Variants in KLF15 observed in about 807,000 individuals in gnomAD.
KLF15 encodes Krueppel-like factor 15.
In KLF15, 4 loss-of-function variants were observed where a neutral mutation model predicts 24.6. The observed-to-expected ratio is 0.16, with a 90% CI of 0.08 to 0.37. The LOEUF (loss-of-function observed/expected upper bound fraction) is 0.37. Among genes scored for constraint, KLF15 ranks in the 10% least tolerant of loss-of-function variants. The pLI is 1.00. For missense variants in KLF15, 496 were observed against 560.6 expected, an observed-to-expected ratio of 0.88 and a Z score of 1.16; for synonymous variants, 246 against 236.3, an observed-to-expected ratio of 1.04 and a Z score of -0.37.
In KLF15 at chr3:126,343,693, C is replaced by A. The variant is rs112054229; in HGVS notation, c.*34G>T. 3 of 1,590,436 alleles carry A rather than the reference C, an allele frequency of 1.9e-6. No homozygotes were observed. In the South Asian group the frequency reaches 3.4e-5, roughly 18 times the overall value. The stretch of plus-strand genomic sequence containing the variant: ...AAAAAATGGGGATGGGGTGGGGATC[C>A]GGGGTGACGGACAGGCTGGGGTTCA... On this transcript the variant is annotated 3_prime_UTR_variant, in exon 3 of 3. Coordinates refer to ENST00000296233, the MANE Select transcript of KLF15 (RefSeq NM_014079.4).
the KLF15 span, among the ~76,000 whole-genome samples, chr3:126,335,262 G>T: frequency 2.0e-5 from 3 of 147,338 alleles, no homozygotes; most frequent in African/African-American, 7.6e-5. Context: ...TGCAAGGCTG[G>T]TTCAACATAT....
chr3:126,290,552 G>A, the KLF15 span: 1 of 81,322 alleles, frequency 1.2e-5, no homozygotes, highest in Non-Finnish European at 2.4e-5. Flanking sequence ...TCCTTCCTCT[G>A]TCTCACAAGA....
the KLF15 span, among the ~76,000 whole-genome samples, chr3:126,330,773 C>T: frequency 1.3e-5 from 2 of 152,254 alleles, no homozygotes; most frequent in South Asian, 4.1e-4. Context: ...TTTAACCTAC[C>T]TGGAGTGAAT....
At chr3:126,327,669 C>T in the KLF15 span, among the ~76,000 whole-genome samples, 13,926 of 152,248 alleles carry the variant, frequency 0.091, 868 homozygotes, top group Non-Finnish European at 0.14. Flanking sequence ...ACCTGCATTC[C>T]AGACTTCATA....
chr3:126,295,299 A>G, the KLF15 span, among the ~76,000 whole-genome samples: 1 of 152,266 alleles, frequency 6.6e-6, no homozygotes, highest in African/African-American at 2.4e-5. Flanking sequence ...TTAAGAGCAG[A>G]TACAGTTACT....
the KLF15 span, among the ~76,000 whole-genome samples, chr3:126,334,090 A>C: frequency 4.6e-5 from 7 of 151,912 alleles, no homozygotes; most frequent in East Asian, 1.4e-3. Flanking sequence ...CATCTACAGA[A>C]CTCTCCACCC....
the KLF15 span, among the ~76,000 whole-genome samples, chr3:126,313,356 T>C: frequency 6.6e-6 from 1 of 152,204 alleles, no homozygotes; most frequent in Admixed American, 6.5e-5. Flanking sequence ...ATATGGGGCA[T>C]TCTGTTACGC....
At chr3:126,313,096 G>A in the KLF15 span, among the ~76,000 whole-genome samples, 2 of 152,110 alleles carry the variant, frequency 1.3e-5, no homozygotes, top group African/African-American at 4.8e-5. Context: ...GTGAAAATGA[G>A]GCCTTTAAAA....
At chr3:126,295,679 T>C in the KLF15 span, among the ~76,000 whole-genome samples, 1 of 152,222 alleles carries the variant, frequency 6.6e-6, no homozygotes, top group Non-Finnish European at 1.5e-5. Context: ...GGCCAAACTT[T>C]AGTCAGGCTT....
At chr3:126,331,735 C>T in the KLF15 span, among the ~76,000 whole-genome samples, 4 of 152,322 alleles carry the variant, frequency 2.6e-5, no homozygotes, top group South Asian at 2.1e-4. Flanking sequence ...GAGTGCCAGA[C>T]AGTGGGCGCA....
chr3:126,348,894 G>A (rs2082559179), intron 2 of KLF15, among the ~76,000 whole-genome samples: 1 of 152,164 alleles, frequency 6.6e-6, no homozygotes, highest in African/African-American at 2.4e-5. Flanking sequence ...CCCATGGCAG[G>A]AAGTATGCAA....
chr3:126,347,097 G>T (rs1368643395), intron 2 of KLF15, among the ~76,000 whole-genome samples: 1 of 152,198 alleles, frequency 6.6e-6, no homozygotes, highest in Non-Finnish European at 1.5e-5. Flanking sequence ...ACTATGATTT[G>T]TGCTGAGCTG....
Position 126,352,028 on chromosome 3 carries a change from C to T in KLF15, c.895G>A (p.Gly299Ser). 1 of 1,538,150 alleles carries T rather than the reference C, an allele frequency of 6.5e-7. No individual in the cohort carries two copies. The highest frequency in any genetic ancestry group is 1.2e-5 in the South Asian group (1 of 80,142). The change falls in exon 2 of 3, where the codon GGC becomes AGC. Residue 299 changes from glycine to serine, a missense_variant. Transcript: ENST00000296233. ...KPVGSGPLGP[G>S]PAGLLMGQKF... The stretch of plus-strand genomic sequence containing the variant: ...TGGCCCATGAGGAGACCGGCAGGGC[C>T]AGGCCCCAGGGGTCCCGATCCAACA...
the KLF15 span, among the ~76,000 whole-genome samples, chr3:126,317,062 CCTT>C: frequency 6.6e-6 from 1 of 152,260 alleles, no homozygotes; most frequent in South Asian, 2.1e-4. Flanking sequence ...CATCCATTCT[CCTT>C]CTCTGGGTAG....
the KLF15 span, among the ~76,000 whole-genome samples, chr3:126,327,018 T>C: frequency 6.6e-6 from 1 of 152,156 alleles, no homozygotes; most frequent in African/African-American, 2.4e-5. Context: ...AACTAGGAAA[T>C]GAAGATGGGT....
chr3:126,348,914 G>A (rs1250137316), intron 2 of KLF15, among the ~76,000 whole-genome samples: 1 of 152,184 alleles, frequency 6.6e-6, no homozygotes, highest in East Asian at 1.9e-4. Flanking sequence ...AGTTACAATA[G>A]TGGGCGGAGG....
the KLF15 span, among the ~76,000 whole-genome samples, chr3:126,321,611 C>CAGA: frequency 6.6e-6 from 1 of 152,228 alleles, no homozygotes; most frequent in African/African-American, 2.4e-5. Context: ...TGAAGATGGA[C>CAGA]AGAACCCTGG....
the KLF15 span, among the ~76,000 whole-genome samples, chr3:126,294,348 T>C: frequency 6.6e-6 from 1 of 152,198 alleles, no homozygotes; most frequent in Non-Finnish European, 1.5e-5. Flanking sequence ...GAGACACTGT[T>C]TGTGCTTAGA....
chr3:126,357,079 G>A (rs2082639664), intron 1 of KLF15, among the ~76,000 whole-genome samples, 158 bp downstream of exon 1: 3 of 151,504 alleles, frequency 2.0e-5, no homozygotes, highest in Admixed American at 6.5e-5. Flanking sequence ...GCCCACCTCC[G>A]CGGGGGCCCA....
Sources: allele counts gnomAD v4.1 joint callset (sites outside exome capture counted in the v4.1 genomes callset), GRCh38; gene constraint gnomAD v4.1.1; transcripts MANE v1.5; gene names NCBI Gene and HGNC (gene_info 2026-07-23, HGNC 2026-07-21).